Variants in STK40 observed in about 807,000 individuals in gnomAD.
STK40 encodes the protein serine/threonine kinase 40.
STK40 carries 13 observed loss-of-function variants against 47.9 expected under a neutral mutation model. The observed-to-expected ratio is 0.27, with a 90% CI of 0.18 to 0.43. STK40 has a LOEUF of 0.43. STK40 is among the 20% of genes least tolerant of loss of function. STK40 has a pLI of 1.00. For synonymous variants in STK40, 225 were observed against 243.2 expected, an observed-to-expected ratio of 0.93 and a Z score of 0.69; for missense variants, 460 against 595.1, an observed-to-expected ratio of 0.77 and a Z score of 2.36.
At chr1:36,358,876 G>A (rs909095688) in intron 2 of STK40, 54 bp from the exon 3 acceptor site, 9 of 1,603,786 alleles carry the variant, frequency 5.6e-6, no homozygotes, top group African/African-American at 1.3e-5. Context: ...CTGTCACGAC[G>A]CCAGGTCACC....
At chr1:36,361,172 T>TA in intron 2 of STK40, 49 bp downstream of exon 2, 1 of 1,606,716 alleles carries the variant, frequency 6.2e-7, no homozygotes, top group South Asian at 1.1e-5. Context: ...CAATGTGCCC[T>TA]GCCCCTGCCT....
At chr1:36,374,190 G>C (rs1646972923) in intron 1 of STK40, among the ~76,000 whole-genome samples, 1 of 152,236 alleles carries the variant, frequency 6.6e-6, no homozygotes, top group Non-Finnish European at 1.5e-5. Context: ...CCCACATAAG[G>C]AGACTGCGTA....
At chr1:36,371,745 CA>C (rs1264800092) in intron 1 of STK40, among the ~76,000 whole-genome samples, 1 of 147,322 alleles carries the variant, frequency 6.8e-6, no homozygotes, top group African/African-American at 2.5e-5. Flanking sequence ...CCTGTAATCC[CA>C]GCACTTTAGG....
chr1:36,358,407 C>A, intron 3 of STK40, 25 bp from the exon 4 acceptor site: 1 of 1,579,518 alleles, frequency 6.3e-7, no homozygotes, highest in Non-Finnish European at 8.7e-7. Flanking sequence ...AAAAATAAAA[C>A]CAAAACCAGA....
chr1:36,358,258 T>C lies in STK40; in HGVS notation c.323A>G (p.His108Arg), dbSNP rs767843123. ...SLLHTQDGVV[H>R]HHGLFQDRTC... ...GCTCACCTGGAAGAGGCCGTGGTGG[T>C]GCACCACGCCATCCTGCGTGTGCAG... The change falls in exon 4 of 11, where the codon CAC (histidine) becomes CGC (arginine). Residue 108 changes from histidine (H) to arginine (R), a missense_variant. Physicochemically the swap from His to Arg is conservative, Grantham distance 29. Transcript: ENST00000373132. 6.3e-7 allele frequency: 1 copy of C among 1,594,332 alleles called. No homozygotes were observed.
intron 7 of STK40, among the ~76,000 whole-genome samples, chr1:36,348,181 A>G (rs1339800473): frequency 1.3e-5 from 2 of 152,260 alleles, no homozygotes; most frequent in Non-Finnish European, 2.9e-5. Context: ...GAACTGTTCA[A>G]TGGCTTCCAC....
intron 1 of STK40, among the ~76,000 whole-genome samples, chr1:36,382,656 C>T (rs2124755672): frequency 6.6e-6 from 1 of 152,254 alleles, no homozygotes; most frequent in East Asian, 1.9e-4. Context: ...TCTTGTGATC[C>T]CTCAGGACAC....
In STK40 at chr1:36,361,251, T is replaced by C. The variant is rs1253659600; in HGVS notation, c.82A>G (p.Asn28Asp). Reference sequence around the variant, plus strand: ...ATGAATGGTCCAGCTCTCTTTGCATTATTTCCAGAAATCCCACTTCCTAGA... The same window carrying C: ...ATGAATGGTCCAGCTCTCTTTGCATCATTTCCAGAAATCCCACTTCCTAGA... ...KALGSGISGN[N>D]AKRAGPFILG... Residue 28 changes from asparagine to aspartate, a missense_variant, in exon 2 of 11, where the codon AAT becomes GAT. Physicochemically the swap from Asn to Asp is conservative, Grantham distance 23. Coordinates refer to ENST00000373132, the MANE Select transcript of STK40 (RefSeq NM_001282547.2). 1.2e-6 allele frequency: 2 copies of C among 1,614,244 alleles called. No individual in the cohort carries two copies. Among genetic ancestry groups the C allele is most frequent in the Non-Finnish European group, 1.7e-6 (2 of 1,180,050 alleles).
At chr1:36,355,454 G>C in intron 4 of STK40, 21 bp from the exon 5 acceptor site, 1 of 1,612,964 alleles carries the variant, frequency 6.2e-7, no homozygotes, top group Non-Finnish European at 8.5e-7. Context: ...AGGGGGTAGC[G>C]CAGGGCTTGG....
rs1274019810 is a variant in STK40, at chr1:36,343,993, T to C, written c.885-14A>G. 6.3e-7 allele frequency: 1 copy of C among 1,598,786 alleles called. No homozygotes were observed. On this transcript the variant is annotated splice_polypyrimidine_tract_variant and intron_variant, in intron 8 of 10. Transcript: ENST00000373132. ...ACCCGTCCATCCCTGAGGCAGGGAG[T>C]TGGGGAGGAGGGCTCAGTGGGTGGT...
At chr1:36,367,987 T>A in intron 1 of STK40, 1 of 580,186 alleles carries the variant, frequency 1.7e-6, no homozygotes, top group Non-Finnish European at 2.2e-6. Context: ...GCCTCCAGCT[T>A]AAGATCTCTT....
chr1:36,371,685 C>CAAAAA (rs57138983), intron 1 of STK40, among the ~76,000 whole-genome samples: 1 of 27,970 alleles, frequency 3.6e-5, no homozygotes, highest in Admixed American at 4.3e-4. Flanking sequence ...ACCCTGTCTC[C>CAAAAA]AAAAAAAAAA....
At chr1:36,354,532 T>C (rs1164618713) in intron 5 of STK40, 116 bp from the exon 6 acceptor site, 19 of 1,046,254 alleles carry the variant, frequency 1.8e-5, no homozygotes, top group Non-Finnish European at 2.7e-5. Flanking sequence ...TTCTATGATG[T>C]GTCTCTTTAG....
chr1:36,377,497 C>T (rs1360154053), intron 1 of STK40, among the ~76,000 whole-genome samples: 2 of 142,364 alleles, frequency 1.4e-5, no homozygotes, highest in African/African-American at 5.3e-5. Context: ...CATGCCATTG[C>T]ACTCCAGCCT....
At chr1:36,378,683 T>A (rs1297371386) in intron 1 of STK40, among the ~76,000 whole-genome samples, 1 of 152,178 alleles carries the variant, frequency 6.6e-6, no homozygotes, top group East Asian at 1.9e-4. Context: ...GGTCTCGATC[T>A]CCTGAACTCG....
At position 36,343,859 on chromosome 1, in the gene STK40, C is replaced by A; in HGVS notation, c.1004+1G>T. On this transcript the variant is annotated splice_donor_variant, in intron 9 of 10. Transcript: ENST00000373132. LOFTEE classifies it high-confidence loss of function. Reference sequence around the variant, plus strand: ...GCCCGGTCAAGTGCCTGTCCACTTACCATGATGCAATGATGGCACTGAGGG... The same window carrying A: ...GCCCGGTCAAGTGCCTGTCCACTTAACATGATGCAATGATGGCACTGAGGG... The A allele has an allele frequency of 6.3e-7, 1 of 1,587,220 alleles. No homozygotes were observed. The highest frequency in any genetic ancestry group is 1.1e-5 in the South Asian group (1 of 89,102).
chr1:36,373,780 A>G (rs1646969110), intron 1 of STK40, among the ~76,000 whole-genome samples: 1 of 152,342 alleles, frequency 6.6e-6, no homozygotes, highest in Middle Eastern at 3.4e-3. Flanking sequence ...AAGAATACAT[A>G]ATATCACATC....
intron 1 of STK40, among the ~76,000 whole-genome samples, chr1:36,364,542 TATTC>T (rs1296204143): frequency 6.6e-6 from 1 of 152,246 alleles, no homozygotes; most frequent in Non-Finnish European, 1.5e-5. Context: ...ATTTCCTTTA[TATTC>T]TTTTTCTATT....
intron 1 of STK40, among the ~76,000 whole-genome samples, chr1:36,370,791 A>G (rs1400390739): frequency 6.6e-6 from 1 of 152,150 alleles, no homozygotes; most frequent in Non-Finnish European, 1.5e-5. Context: ...AGGACCTCTG[A>G]CAGATACCAA....
Sources: allele counts gnomAD v4.1 joint callset (sites outside exome capture counted in the v4.1 genomes callset), GRCh38; gene constraint gnomAD v4.1.1; transcripts MANE v1.5; gene names NCBI Gene and HGNC (gene_info 2026-07-23, HGNC 2026-07-21).